Variants in MYT1L observed in about 807,000 individuals in gnomAD.
MYT1L encodes myelin transcription factor 1 like, also known as myelin transcription factor 1-like protein.
Under a neutral mutation model 126.7 loss-of-function variants are expected in MYT1L, and 12 were observed. That is an observed-to-expected ratio of 0.09 (90% CI 0.06 to 0.15). The LOEUF (loss-of-function observed/expected upper bound fraction) is 0.15. Ranked by LOEUF, MYT1L falls within the 10% of genes least tolerant of loss-of-function variation. The probability of loss-of-function intolerance (pLI) is 1.00; values close to 1 mark genes in which losing one functional copy is unlikely to be tolerated. For synonymous variants in MYT1L, 541 were observed against 604.2 expected (o/e 0.90, Z 1.53); for missense variants, 979 against 1,585.2 (o/e 0.62, Z 6.49).
At chr2:1,792,999 A>T (rs554755007) in intron 23 of MYT1L, among the ~76,000 whole-genome samples, 1 of 151,842 alleles carries the variant, frequency 6.6e-6, no homozygotes, top group Non-Finnish European at 1.5e-5. Flanking sequence ...TCCCTGCGCG[A>T]TCCTGTTCTC....
chr2:2,098,696 G>A (rs1295204356), intron 3 of MYT1L, among the ~76,000 whole-genome samples: 1 of 152,152 alleles, frequency 6.6e-6, no homozygotes, highest in African/African-American at 2.4e-5. Context: ...CTTTGTAAAA[G>A]CAAACAAAAG....
At chr2:2,275,463 G>A (rs375892447) in intron 2 of MYT1L, among the ~76,000 whole-genome samples, 2 of 152,250 alleles carry the variant, frequency 1.3e-5, no homozygotes, top group East Asian at 3.9e-4. Flanking sequence ...ATGACATGCT[G>A]AGCCCCAGTG....
At chr2:2,048,454 A>C (rs1162793340) in intron 4 of MYT1L, among the ~76,000 whole-genome samples, 3 of 152,146 alleles carry the variant, frequency 2.0e-5, no homozygotes, top group Non-Finnish European at 4.4e-5. Flanking sequence ...ATTTGTGTGA[A>C]GCTTCCATGG....
chr2:2,236,211 T>A (rs2094298176), intron 2 of MYT1L, among the ~76,000 whole-genome samples: 1 of 129,208 alleles, frequency 7.7e-6, no homozygotes. Flanking sequence ...ACCCAGCACA[T>A]CCCAACCCAG....
chr2:1,840,900 C>CTTTTTTT (rs1197637882), intron 19 of MYT1L, 57 bp from the exon 20 acceptor site: 17 of 759,522 alleles, frequency 2.2e-5, no homozygotes, highest in African/African-American at 2.2e-4. Context: ...AGTGAGCTTT[C>CTTTTTTT]TTTCTTTTTT....
At chr2:1,994,285 GC>G (rs1191423699) in intron 5 of MYT1L, among the ~76,000 whole-genome samples, 4 of 151,812 alleles carry the variant, frequency 2.6e-5, no homozygotes, top group Non-Finnish European at 5.9e-5. Context: ...CCTCCTCCCA[GC>G]GAGTCCTCCT....
At position 1,892,024 on chromosome 2, in the gene MYT1L, C is replaced by T; in HGVS notation, c.2283+13G>A. 1 of 1,508,902 alleles carries T rather than the reference C, an allele frequency of 6.6e-7. No homozygotes were observed. Among genetic ancestry groups the T allele is most frequent in the Non-Finnish European group, 8.9e-7 (1 of 1,129,176 alleles). The allele number at this position is 1,508,902 out of a possible 1,614,324, so 93.5% of individuals were successfully genotyped here. Reference sequence around the variant, plus strand: ...CACCCGCCAGGTGGCTCCACCTGCCCAGGCGCGCGTACCCGCGTGGCGCAC... The same window carrying T: ...CACCCGCCAGGTGGCTCCACCTGCCTAGGCGCGCGTACCCGCGTGGCGCAC... On this transcript the variant is annotated intron_variant, in intron 15 of 24. Transcript: ENST00000647738.
chr2:2,094,296 T>C (rs1192332909), intron 3 of MYT1L, among the ~76,000 whole-genome samples: 3 of 152,210 alleles, frequency 2.0e-5, no homozygotes, highest in Middle Eastern at 3.4e-3. Flanking sequence ...TGTGGAGAAA[T>C]AGGAACACTT....
chr2:1,986,055 T>C (rs577659367), intron 5 of MYT1L, among the ~76,000 whole-genome samples: 119 of 152,346 alleles, frequency 7.8e-4, no homozygotes, highest in African/African-American at 2.6e-3. Context: ...GATCCTATCT[T>C]TCAGGCAGGT....
chr2:2,212,172 T>C (rs1471690149), intron 2 of MYT1L, among the ~76,000 whole-genome samples: 1 of 150,962 alleles, frequency 6.6e-6, no homozygotes, highest in Non-Finnish European at 1.5e-5. Context: ...TTAATACAAA[T>C]AGATTTGTAT....
intron 1 of MYT1L, among the ~76,000 whole-genome samples, chr2:2,308,624 T>C (rs1289021879): frequency 1.3e-5 from 2 of 151,938 alleles, no homozygotes; most frequent in African/African-American, 4.8e-5. Context: ...CACTTATACT[T>C]CCGTATAACC....
chr2:1,991,303 T>C (rs1231736199), intron 5 of MYT1L, among the ~76,000 whole-genome samples: 5 of 152,096 alleles, frequency 3.3e-5, no homozygotes, highest in African/African-American at 1.2e-4. Context: ...GGTCTCGCTG[T>C]ATCTTTTTCT....
At chr2:1,846,054 A>T (rs1196973771) in intron 19 of MYT1L, among the ~76,000 whole-genome samples, 1 of 152,202 alleles carries the variant, frequency 6.6e-6, no homozygotes, top group Non-Finnish European at 1.5e-5. Context: ...AAGTACATAC[A>T]TATTTGAAAA....
rs1353473493 is a variant in MYT1L at position 1,852,823 on chromosome 2, TC to T, written c.2712-1121del. On this transcript the variant is annotated intron_variant, in intron 18 of 24. Coordinates refer to ENST00000647738, the MANE Select transcript of MYT1L (RefSeq NM_001303052.2). This position sits in a 1 kb window ranked among gnomAD's most constrained non-coding sequence, Gnocchi z 4.0. ...GTGAGTACCCGAATTCTTGTCAAGA[TC>T]AAGAATCACAATTTAAAAATATTTT... Among the ~76,000 whole-genome samples, 1 of 152,164 alleles carries T rather than the reference TC, an allele frequency of 6.6e-6. No individual in the cohort carries two copies. The highest frequency in any genetic ancestry group is 1.5e-5 in the Non-Finnish European group (1 of 68,032).
At chr2:2,277,297 C>T (rs571546873) in intron 2 of MYT1L, among the ~76,000 whole-genome samples, 1 of 152,340 alleles carries the variant, frequency 6.6e-6, no homozygotes, top group African/African-American at 2.4e-5. Flanking sequence ...TTCCAAAATG[C>T]TCCATCTTTA....
At chr2:2,161,505 T>C (rs887358357) in intron 3 of MYT1L, among the ~76,000 whole-genome samples, 1 of 152,226 alleles carries the variant, frequency 6.6e-6, no homozygotes, top group Admixed American at 6.5e-5. Flanking sequence ...AGATGTATAT[T>C]TGGGGCTCAG....
At chr2:2,068,372 G>C (rs536143825) in intron 3 of MYT1L, among the ~76,000 whole-genome samples, 2 of 152,270 alleles carry the variant, frequency 1.3e-5, no homozygotes, top group East Asian at 3.9e-4. Flanking sequence ...TGAGGTCACA[G>C]AGCAGGTCAG....
chr2:2,089,907 GT>G (rs2076739596), intron 3 of MYT1L, among the ~76,000 whole-genome samples: 1 of 152,158 alleles, frequency 6.6e-6, no homozygotes, highest in African/African-American at 2.4e-5. Context: ...CTTGCACTCA[GT>G]CCCTGTGAAC....
rs111399159 is a variant in MYT1L at position 1,978,878 on chromosome 2, T to C, written c.152+287A>G. ...CGGTGAGCAGTGGGAAGTTCTTAGGTGGCCGTGTGCTGAGCACCACATATG... is the reference window on the plus strand; with the variant it reads ...CGGTGAGCAGTGGGAAGTTCTTAGGCGGCCGTGTGCTGAGCACCACATATG... On this transcript the variant is annotated intron_variant, in intron 8 of 24. Coordinates refer to ENST00000647738, the MANE Select transcript of MYT1L (RefSeq NM_001303052.2). Among the ~76,000 whole-genome samples the C allele has an allele frequency of 1.2e-3, 190 of 152,226 alleles. 1 individual carries two copies. The highest frequency in any genetic ancestry group is 4.5e-3 in the African/African-American group (186 of 41,552).
Sources: allele counts gnomAD v4.1 joint callset (sites outside exome capture counted in the v4.1 genomes callset), GRCh38; gene constraint gnomAD v4.1.1; non-coding constraint Gnocchi (gnomAD v3.1); transcripts MANE v1.5; gene names NCBI Gene and HGNC (gene_info 2026-07-23, HGNC 2026-07-21).